The following TSHZ3 variants were observed in gnomAD, a reference collection of about 807,000 sequenced individuals.
The protein encoded by TSHZ3 is teashirt zinc finger homeobox 3.
TSHZ3 carries 10 observed loss-of-function variants against 64.5 expected under a neutral mutation model. The ratio of observed to expected loss-of-function variants is 0.16; its 90% CI spans 0.10 to 0.26. The LOEUF (loss-of-function observed/expected upper bound fraction) is 0.26. Ranked by LOEUF, TSHZ3 falls within the 10% of genes least tolerant of loss-of-function variation. The pLI is 1.00. For synonymous variants in TSHZ3, 608 were observed against 593.1 expected, an observed-to-expected ratio of 1.03 and a Z score of -0.36; for missense variants, 1,242 against 1,421.7, an observed-to-expected ratio of 0.87 and a Z score of 2.03.
chr19:31,256,045 A>T (rs1975904839), intron 1 of TSHZ3, among the ~76,000 whole-genome samples: 1 of 152,098 alleles, frequency 6.6e-6, no homozygotes, highest in African/African-American at 2.4e-5. Context: ...GCCAAAACTG[A>T]GTGCATGGTC....
In TSHZ3 at chr19:31,279,355, GTTC is replaced by G. The variant is rs774014144; in HGVS notation, c.435_437del (p.Lys145del). 2.5e-6 allele frequency: 4 copies of G among 1,614,160 alleles called. No individual in the cohort carries two copies. The highest frequency in any genetic ancestry group is 2.2e-5 in the East Asian group (1 of 44,882). ...TACTGCTGCTGCTGCTGCTGCCGTT[GTTC>G]TTCTCCGAGGAGGGCTGGTGCAGGT... On this transcript the variant is annotated inframe_deletion, in exon 2 of 2. Coordinates refer to ENST00000240587, the MANE Select transcript of TSHZ3 (RefSeq NM_020856.4). The surrounding 1 kb of genome is among the most constrained non-coding windows in gnomAD (Gnocchi z 6.4).
chr19:31,306,594 T>C (rs901058993), intron 1 of TSHZ3, among the ~76,000 whole-genome samples: 7 of 152,188 alleles, frequency 4.6e-5, no homozygotes, highest in Admixed American at 1.3e-4. Context: ...TATGTGTGTG[T>C]GTAAAACCAG....
chr19:31,226,973 C>CTTTTT lies in TSHZ3; in HGVS notation n.686+1031_686+1032insAAAAA, dbSNP rs1255178594. Among the ~76,000 whole-genome samples the CTTTTT allele has an allele frequency of 4.9e-3, 332 of 67,860 alleles. 3 individuals carry two copies. Among genetic ancestry groups the CTTTTT allele is most frequent in the African/African-American group, 0.028 (306 of 10,924 alleles). 44.5% of individuals were successfully genotyped at this position (67,860 alleles called of 152,430 possible). ...TTCTTTTTCTTCTCTTTCTTTCTTT[C>CTTTTT]TTTCTTTTTTTTTTTTTTTTTTTGA... On this transcript the variant is annotated intron_variant and non_coding_transcript_variant, in intron 4 of 6. Coordinates refer to the TSHZ3 transcript ENST00000651361.
intron 1 of TSHZ3, among the ~76,000 whole-genome samples, chr19:31,310,736 A>G (rs1013851620): frequency 3.3e-5 from 5 of 152,136 alleles, no homozygotes; most frequent in Non-Finnish European, 7.3e-5. Flanking sequence ...AAACCTCTCT[A>G]CGTTTCTGGT....
intron 3 of TSHZ3, among the ~76,000 whole-genome samples, chr19:31,235,944 C>T (rs530027582): frequency 6.6e-6 from 1 of 152,036 alleles, no homozygotes; most frequent in East Asian, 1.9e-4. Flanking sequence ...TCCAGTGATC[C>T]ACCCACCTCA....
chr19:31,236,525 T>C (rs2145180303), intron 3 of TSHZ3, among the ~76,000 whole-genome samples: 1 of 152,348 alleles, frequency 6.6e-6, no homozygotes, highest in East Asian at 1.9e-4. Flanking sequence ...TCTTTTAAAA[T>C]TTTGGATATT....
chr19:31,286,821 G>A (rs1356109014), intron 1 of TSHZ3, among the ~76,000 whole-genome samples: 1 of 152,228 alleles, frequency 6.6e-6, no homozygotes, highest in Admixed American at 6.5e-5. Flanking sequence ...CACCAGTGGT[G>A]TGGCTTTCAC....
intron 4 of TSHZ3, among the ~76,000 whole-genome samples, chr19:31,210,445 C>A (rs1975247993): frequency 6.6e-6 from 1 of 152,128 alleles, no homozygotes; most frequent in African/African-American, 2.4e-5. Flanking sequence ...ATGCCTCTCC[C>A]CAAAGCAGGA....
downstream of TSHZ3, among the ~76,000 whole-genome samples, chr19:31,272,183 C>T (rs1266942450): frequency 3.3e-5 from 5 of 152,160 alleles, no homozygotes; most frequent in East Asian, 3.9e-4. Flanking sequence ...CTGCCACTCA[C>T]GGGTTTCTGT....
At chr19:31,193,961 G>A (rs1489553128) in intron 5 of TSHZ3, among the ~76,000 whole-genome samples, 1 of 152,124 alleles carries the variant, frequency 6.6e-6, no homozygotes, top group African/African-American at 2.4e-5. Context: ...GTAAAAAGCT[G>A]AACAAACTGG....
chr19:31,201,239 C>A (rs945262760), intron 5 of TSHZ3, among the ~76,000 whole-genome samples: 1 of 152,106 alleles, frequency 6.6e-6, no homozygotes, highest in Admixed American at 6.6e-5. Context: ...TTCTCTCACC[C>A]TGTACTATCG....
At chr19:31,156,201 G>T (rs780214558) in intron 6 of TSHZ3, among the ~76,000 whole-genome samples, 64 of 152,314 alleles carry the variant, frequency 4.2e-4, no homozygotes, top group Non-Finnish European at 7.1e-4. Context: ...GCAGGACTCT[G>T]TCTGTTGTAT....
At chr19:31,225,095 C>T (rs1392910753) in intron 4 of TSHZ3, among the ~76,000 whole-genome samples, 1 of 152,190 alleles carries the variant, frequency 6.6e-6, no homozygotes, top group African/African-American at 2.4e-5. Context: ...CTTCAGCAAC[C>T]TCCTAAATCA....
chr19:31,151,256 A>G (rs1047394602), exon 7 of TSHZ3, among the ~76,000 whole-genome samples: 4 of 152,276 alleles, frequency 2.6e-5, no homozygotes, highest in Non-Finnish European at 4.4e-5. Flanking sequence ...GGGAGATATT[A>G]CTTTCCTCAT....
intron 1 of TSHZ3, among the ~76,000 whole-genome samples, chr19:31,325,533 G>A (rs571229267): frequency 1.3e-3 from 202 of 152,282 alleles, no homozygotes; most frequent in African/African-American, 3.8e-3. Flanking sequence ...CTACCTAAGC[G>A]CTGACGGCCA....
intron 4 of TSHZ3, among the ~76,000 whole-genome samples, chr19:31,217,243 A>G (rs1377384676): frequency 6.6e-6 from 1 of 152,186 alleles, no homozygotes; most frequent in African/African-American, 2.4e-5. Flanking sequence ...CAAATGCCCA[A>G]GGTGGAACTT....
At chr19:31,326,445 C>T (rs1916932386) in intron 1 of TSHZ3, among the ~76,000 whole-genome samples, 1 of 152,226 alleles carries the variant, frequency 6.6e-6, no homozygotes, top group African/African-American at 2.4e-5. Flanking sequence ...CTCTAGGTAG[C>T]TTCTGTAGAG....
At chr19:31,178,174 T>G (rs1413907568) in intron 5 of TSHZ3, among the ~76,000 whole-genome samples, 2 of 152,186 alleles carry the variant, frequency 1.3e-5, no homozygotes, top group East Asian at 3.9e-4. Context: ...ATCGTTCTTT[T>G]TGTTTAATTG....
At chr19:31,319,365 C>G (rs1916698863) in intron 1 of TSHZ3, among the ~76,000 whole-genome samples, 1 of 152,148 alleles carries the variant, frequency 6.6e-6, no homozygotes. Context: ...TTCCAATAAA[C>G]ATTGTAAAGG....
Sources: gnomAD v4.1 joint callset for allele counts (sites outside exome capture counted in the v4.1 genomes callset) on GRCh38, gnomAD v4.1.1 for gene constraint, Gnocchi (gnomAD v3.1) non-coding constraint, MANE v1.5 for transcripts, NCBI Gene and HGNC (gene_info 2026-07-23, HGNC 2026-07-21) for gene names.